The following ITSN1 variants were observed in gnomAD, a reference collection of about 807,000 sequenced individuals.
The protein encoded by ITSN1 is intersectin 1, also known as intersectin-1.
In ITSN1, 58 loss-of-function variants were observed where a neutral mutation model predicts 239.8. That is an observed-to-expected ratio of 0.24 (90% CI 0.20 to 0.30). The LOEUF (loss-of-function observed/expected upper bound fraction) is 0.30. Among genes scored for constraint, ITSN1 ranks in the 10% least tolerant of loss-of-function variants. The probability of loss-of-function intolerance (pLI) is 1.00; values close to 1 mark genes in which losing one functional copy is unlikely to be tolerated. For synonymous variants in ITSN1, 780 were observed against 770.8 expected (o/e 1.01, Z -0.20); for missense variants, 1,558 against 2,103.3 (o/e 0.74, Z 5.07).
chr21:33,850,338 C>T (rs780645392), intron 29 of ITSN1, among the ~76,000 whole-genome samples: 10 of 152,300 alleles, frequency 6.6e-5, no homozygotes, highest in South Asian at 4.1e-4. Context: ...GGGTGGGATA[C>T]CTGAGCTCTG....
Position 33,854,971 on chromosome 21 carries a change from C to T in ITSN1, c.3662-1765C>T, listed in dbSNP as rs575549331. Among the ~76,000 whole-genome samples, 5 of 152,286 alleles carry T rather than the reference C, an allele frequency of 3.3e-5. No individual in the cohort carries two copies. The East Asian group carries it at 9.6e-4, about 29-fold the overall frequency. On this transcript the variant is annotated intron_variant, in intron 29 of 39. Coordinates refer to ENST00000381318, the MANE Select transcript of ITSN1 (RefSeq NM_003024.3). The stretch of plus-strand genomic sequence containing the variant: ...GAGAAGCTACAGCATCCAGAAAGGA[C>T]AATTGGCCCAGAGAACGGACAAAAC...
intron 1 of ITSN1, among the ~76,000 whole-genome samples, chr21:33,682,082 AC>A (rs2090993361): frequency 6.6e-6 from 1 of 151,642 alleles, no homozygotes; most frequent in Admixed American, 6.6e-5. Context: ...TAAAAAAAAA[AC>A]TACATACTAA....
At chr21:33,841,469 A>G (rs1569290553) in intron 29 of ITSN1, among the ~76,000 whole-genome samples, 2 of 152,180 alleles carry the variant, frequency 1.3e-5, no homozygotes, top group African/African-American at 4.8e-5. Context: ...TTTGACACAG[A>G]CCACATCACC....
At chr21:33,815,997 C>T (rs1035610781) in intron 22 of ITSN1, among the ~76,000 whole-genome samples, 3 of 151,872 alleles carry the variant, frequency 2.0e-5, no homozygotes, top group African/African-American at 4.8e-5. Flanking sequence ...GCCTGGCCAA[C>T]GTGGTGAAAC....
intron 1 of ITSN1, among the ~76,000 whole-genome samples, chr21:33,696,399 T>C (rs2091794166): frequency 6.6e-6 from 1 of 152,236 alleles, no homozygotes; most frequent in African/African-American, 2.4e-5. Context: ...TCAGTTGTAT[T>C]GGACAGGAAA....
chr21:33,814,136 ATGCTTT>A, intron 22 of ITSN1, 64 bp downstream of exon 22: 1 of 1,512,078 alleles, frequency 6.6e-7, no homozygotes, highest in Non-Finnish European at 9.0e-7. Flanking sequence ...ACTTCAGCAA[ATGCTTT>A]TTGGCAATGT....
At chr21:33,781,676 G>C (rs1334935426) in intron 15 of ITSN1, 128 bp downstream of exon 15, 1 of 599,084 alleles carries the variant, frequency 1.7e-6, no homozygotes, top group African/African-American at 1.9e-5. Context: ...CGCCTCCCGG[G>C]TTCAAGATTC....
At chr21:33,751,963 C>A in intron 7 of ITSN1, 57 bp downstream of exon 7, 4 of 1,113,508 alleles carry the variant, frequency 3.6e-6, no homozygotes, top group South Asian at 2.6e-5. Flanking sequence ...CTGATTAAAT[C>A]ATAAATTTGA....
chr21:33,670,837 G>A (rs2090226040), intron 1 of ITSN1, among the ~76,000 whole-genome samples: 1 of 152,182 alleles, frequency 6.6e-6, no homozygotes, highest in Admixed American at 6.5e-5. Flanking sequence ...AAATGCACAC[G>A]GTAGAGGTAC....
intron 16 of ITSN1, 79 bp from the exon 17 acceptor site, chr21:33,794,262 T>C: frequency 1.8e-6 from 2 of 1,103,984 alleles, no homozygotes; most frequent in Non-Finnish European, 2.7e-6. Flanking sequence ...CTTCCCACTA[T>C]GAAATGTTGC....
At chr21:33,701,444 C>A (rs1426054510) in intron 1 of ITSN1, among the ~76,000 whole-genome samples, 1 of 149,852 alleles carries the variant, frequency 6.7e-6, no homozygotes, top group Admixed American at 6.7e-5. Context: ...GTTTGAATTA[C>A]CTCATTTCAT....
intron 1 of ITSN1, among the ~76,000 whole-genome samples, chr21:33,705,130 G>C (rs951741272): frequency 7.3e-6 from 1 of 136,584 alleles, no homozygotes; most frequent in African/African-American, 2.8e-5. Flanking sequence ...AAAAAAAAAA[G>C]ACAAAATGTT....
chr21:33,673,307 T>C (rs1192786955), intron 1 of ITSN1, among the ~76,000 whole-genome samples: 1 of 152,148 alleles, frequency 6.6e-6, no homozygotes, highest in African/African-American at 2.4e-5. Context: ...TGAATAAAAC[T>C]AGAGATCTAA....
intron 5 of ITSN1, among the ~76,000 whole-genome samples, chr21:33,742,160 G>A (rs1297316906): frequency 4.6e-5 from 7 of 150,876 alleles, no homozygotes; most frequent in Non-Finnish European, 8.8e-5. Context: ...GGGTTCAAGC[G>A]ATTGTCCTGC....
chr21:33,719,254 A>G (rs1209153358), intron 2 of ITSN1, among the ~76,000 whole-genome samples: 1 of 152,136 alleles, frequency 6.6e-6, no homozygotes, highest in African/African-American at 2.4e-5. Flanking sequence ...CAGCCTGGCC[A>G]ACATAGTGAA....
chr21:33,653,228 C>CAGAT (rs2088709316), intron 1 of ITSN1, among the ~76,000 whole-genome samples: 1 of 152,178 alleles, frequency 6.6e-6, no homozygotes, highest in Non-Finnish European at 1.5e-5. Context: ...CTCCTCACTT[C>CAGAT]AGATGATCTG....
chr21:33,747,115 C>G (rs1354185969), intron 5 of ITSN1, among the ~76,000 whole-genome samples: 2 of 152,072 alleles, frequency 1.3e-5, no homozygotes, highest in African/African-American at 2.4e-5. Context: ...GACCACGCCA[C>G]TGCACTCCAG....
chr21:33,818,350 T>G lies in ITSN1; in HGVS notation c.2811T>G (p.Asn937Lys). Residue 937 changes from asparagine (N) to lysine (K), a missense_variant, in exon 23 of 40, where the codon AAT (asparagine) becomes AAG (lysine). By Grantham distance (94) the Asn-to-Lys change is moderately conservative (BLOSUM62 0). This residue lies in a region of ITSN1 where 982 missense variants were observed against 1,209.9 expected (regional missense o/e 0.81). Transcript: ENST00000381318. ...KKDNHLNFNK[N>K]DVITVLEQQD... ...ACAACCACTTAAATTTTAACAAAAA[T>G]GATGTCATCACCGTCCTGGAACAGC... 6.2e-7 allele frequency: 1 copy of G among 1,614,210 alleles called. No individual in the cohort carries two copies. The highest frequency in any genetic ancestry group is 8.5e-7 in the Non-Finnish European group (1 of 1,180,028).
intron 1 of ITSN1, among the ~76,000 whole-genome samples, chr21:33,676,995 G>A (rs757346325): frequency 4.0e-5 from 6 of 149,474 alleles, no homozygotes; most frequent in Non-Finnish European, 5.9e-5. Context: ...ATCACACACC[G>A]GGACCTGTCG....
Sources: gnomAD v4.1 joint callset for allele counts (sites outside exome capture counted in the v4.1 genomes callset) on GRCh38, gnomAD v4.1.1 for gene constraint, gnomAD v4.1.1 regional missense constraint, MANE v1.5 for transcripts, NCBI Gene and HGNC (gene_info 2026-07-23, HGNC 2026-07-21) for gene names.